HKDC1: variants seen among roughly 807,000 people sequenced by gnomAD.
The protein encoded by HKDC1 is hexokinase HKDC1.
In HKDC1, 66 loss-of-function variants were observed where a neutral mutation model predicts 96.6. That is an observed-to-expected ratio of 0.68 (90% CI 0.56 to 0.84). The LOEUF (loss-of-function observed/expected upper bound fraction) is 0.84, where lower values mean the gene tolerates loss of function less well. Among genes scored for constraint, HKDC1 ranks in the 40% least tolerant of loss-of-function variants. The probability of loss-of-function intolerance (pLI) is 0.00; values close to 1 mark genes in which losing one functional copy is unlikely to be tolerated. For synonymous variants in HKDC1, 466 were observed against 473.1 expected (o/e 0.98, Z 0.20); for missense variants, 1,211 against 1,208.1 (o/e 1.00, Z -0.04).
chr10:69,241,985 G>C (rs1359647824), intron 6 of HKDC1, among the ~76,000 whole-genome samples: 1 of 152,186 alleles, frequency 6.6e-6, no homozygotes, highest in Non-Finnish European at 1.5e-5. Flanking sequence ...GTCAGCTGGA[G>C]GAATGTGTGG....
chr10:69,261,585 A>T (rs1041567483), intron 16 of HKDC1: 73 of 278,240 alleles, frequency 2.6e-4, no homozygotes, highest in African/African-American at 1.5e-3. Context: ...ATATTTCATA[A>T]TGTATTTCTG....
intron 10 of HKDC1, among the ~76,000 whole-genome samples, chr10:69,249,589 A>G (rs575361251): frequency 2.0e-5 from 3 of 152,304 alleles, no homozygotes; most frequent in South Asian, 2.1e-4. Context: ...TCCGCCTCCC[A>G]GGTTCACACC....
intron 1 of HKDC1, among the ~76,000 whole-genome samples, chr10:69,223,825 C>T (rs536141015): frequency 6.0e-5 from 9 of 150,090 alleles, no homozygotes; most frequent in East Asian, 2.0e-4. Context: ...CCTCGGGATC[C>T]GCCCGCCTCG....
chr10:69,240,390 G>A (rs543874229), intron 5 of HKDC1, among the ~76,000 whole-genome samples: 60 of 152,138 alleles, frequency 3.9e-4, no homozygotes, highest in Middle Eastern at 6.8e-3. Flanking sequence ...CTGGAGTCCC[G>A]GTGGCCTGTC....
At chr10:69,234,935 TTTATAAA>T (rs1843337161) in intron 4 of HKDC1, among the ~76,000 whole-genome samples, 1 of 152,240 alleles carries the variant, frequency 6.6e-6, no homozygotes, top group Admixed American at 6.5e-5. Context: ...TTTTCATTCT[TTTATAAA>T]GAAAGGACTG....
At chr10:69,227,397 C>A in intron 2 of HKDC1, 28 bp downstream of exon 2, 1 of 1,613,446 alleles carries the variant, frequency 6.2e-7, no homozygotes. Context: ...CTGCCAGGGT[C>A]CCTGGCTCCT....
At chr10:69,250,015 G>A (rs947383597) in intron 10 of HKDC1, among the ~76,000 whole-genome samples, 1 of 152,228 alleles carries the variant, frequency 6.6e-6, no homozygotes, top group African/African-American at 2.4e-5. Flanking sequence ...CTCCAGGCCA[G>A]GGCTCTTTTC....
chr10:69,231,710 G>A (rs577130703), intron 2 of HKDC1, among the ~76,000 whole-genome samples: 3 of 152,244 alleles, frequency 2.0e-5, no homozygotes, highest in East Asian at 1.9e-4. Context: ...TTTCATCTGC[G>A]CATCCCTAGC....
Position 69,249,527 on chromosome 10 carries a change from G to A in HKDC1, c.1571-763G>A, listed in dbSNP as rs1399803083. ...TTTATTTTTTTTGAGACGGAGTCTC[G>A]CTCTGTCACCCAGGCTGGAGTGCAG... On this transcript the variant is annotated intron_variant, in intron 10 of 17. Transcript: ENST00000354624. Among the ~76,000 whole-genome samples, 6 of 152,186 alleles carry A rather than the reference G, an allele frequency of 3.9e-5. No individual in the cohort carries two copies. The South Asian group carries it at 1.2e-3, about 32-fold the overall frequency.
rs1564723724 is a variant in HKDC1 at position 69,226,231 on chromosome 10, G to T, written c.64-976G>T. Among the ~76,000 whole-genome samples the T allele has an allele frequency of 2.6e-5, 4 of 152,074 alleles. No homozygotes were observed. In the South Asian group the frequency reaches 8.3e-4, roughly 31 times the overall value. On this transcript the variant is annotated intron_variant, in intron 1 of 17. Transcript: ENST00000354624. ...TGATTTGTATAACTTCCCTCCTTTG[G>T]GTATGGTCCTCTGTCCCCGTTTCCT...
intron 5 of HKDC1, among the ~76,000 whole-genome samples, chr10:69,239,932 A>C (rs932824593): frequency 6.6e-6 from 1 of 152,060 alleles, no homozygotes; most frequent in African/African-American, 2.4e-5. Flanking sequence ...ATTTTACTTT[A>C]AAATGTTCTT....
chr10:69,240,626 A>T, intron 5 of HKDC1, 26 bp from the exon 6 acceptor site: 111 of 1,499,746 alleles, frequency 7.4e-5, no homozygotes, highest in Non-Finnish European at 9.8e-5. Flanking sequence ...CCACCCGCTG[A>T]TTCCCTCTGG....
At chr10:69,260,587 G>C (rs545942764) in intron 15 of HKDC1, among the ~76,000 whole-genome samples, 1 of 152,152 alleles carries the variant, frequency 6.6e-6, no homozygotes, top group African/African-American at 2.4e-5. Flanking sequence ...GCACATAAAT[G>C]CTTCCCATTT....
At chr10:69,263,299 A>G (rs1843838493) in intron 16 of HKDC1, among the ~76,000 whole-genome samples, 1 of 152,124 alleles carries the variant, frequency 6.6e-6, no homozygotes, top group South Asian at 2.1e-4. Flanking sequence ...GAGTTTCACC[A>G]TGTCGCCCAG....
In HKDC1 at chr10:69,248,740, C is replaced by G. The variant is rs1422883767; in HGVS notation, c.1570+12C>G. 1 of 1,582,668 alleles carries G rather than the reference C, an allele frequency of 6.3e-7. No homozygotes were observed. The highest frequency in any genetic ancestry group is 8.6e-7 in the Non-Finnish European group (1 of 1,161,110). ...GCCGGACGGCACAGGTGGGCCAGCA[C>G]AGCCTCCCTCTCTGAACAGCCATCC... is the stretch of plus-strand genomic sequence containing the variant. On this transcript the variant is annotated intron_variant, in intron 10 of 17. Transcript: ENST00000354624.
intron 15 of HKDC1, among the ~76,000 whole-genome samples, chr10:69,260,815 T>C (rs1360885119): frequency 1.3e-5 from 2 of 152,168 alleles, no homozygotes; most frequent in Non-Finnish European, 2.9e-5. Context: ...ATGTGTTAAC[T>C]CACAGAGTAG....
chr10:69,264,041 C>T (rs1033089116), intron 16 of HKDC1, among the ~76,000 whole-genome samples: 3 of 151,970 alleles, frequency 2.0e-5, no homozygotes, highest in Non-Finnish European at 2.9e-5. Flanking sequence ...GCCTATAATC[C>T]CAGCTACTTG....
chr10:69,247,669 C>G (rs1843564410), intron 9 of HKDC1, 76 bp downstream of exon 9: 2 of 1,171,760 alleles, frequency 1.7e-6, no homozygotes, highest in East Asian at 2.5e-5. Flanking sequence ...CTGGACTATC[C>G]TGCCTATCTG....
intron 2 of HKDC1, among the ~76,000 whole-genome samples, chr10:69,229,821 C>G (rs1475276488): frequency 2.0e-5 from 3 of 152,150 alleles, no homozygotes. Flanking sequence ...TCCCTGGGCC[C>G]AGAGTCCCTA....
Sources: gnomAD v4.1 joint callset for allele counts (sites outside exome capture counted in the v4.1 genomes callset) on GRCh38, gnomAD v4.1.1 for gene constraint, MANE v1.5 for transcripts, NCBI Gene and HGNC (gene_info 2026-07-23, HGNC 2026-07-21) for gene names.